THSD4: variants seen among roughly 807,000 people sequenced by gnomAD.
The protein encoded by THSD4 is thrombospondin type 1 domain containing 4, also known as thrombospondin type-1 domain-containing protein 4.
THSD4 carries 69 observed loss-of-function variants against 119.0 expected under a neutral mutation model. The observed-to-expected ratio is 0.58, with a 90% CI of 0.48 to 0.71. The LOEUF (loss-of-function observed/expected upper bound fraction) is 0.71, where lower values mean the gene tolerates loss of function less well. Among genes scored for constraint, THSD4 ranks in the 30% least tolerant of loss-of-function variants. The pLI, the probability that THSD4 is intolerant of heterozygous loss-of-function variation, is 0.00. For synonymous variants in THSD4, 524 were observed against 540.4 expected (o/e 0.97, Z 0.42); for missense variants, 1,393 against 1,391.1 (o/e 1.00, Z -0.02).
chr15:71,525,784 G>T (rs933144029), intron 7 of THSD4, among the ~76,000 whole-genome samples: 1 of 152,096 alleles, frequency 6.6e-6, no homozygotes, highest in African/African-American at 2.4e-5. Flanking sequence ...CATCTCAATG[G>T]TCTCACAAGT....
intron 5 of THSD4, among the ~76,000 whole-genome samples, chr15:71,253,561 C>T (rs1463654655): frequency 6.6e-6 from 1 of 152,048 alleles, no homozygotes; most frequent in Non-Finnish European, 1.5e-5. Flanking sequence ...GTGCATGCCA[C>T]CATGCCCGGC....
chr15:71,240,027 C>A (rs532466064), intron 4 of THSD4, among the ~76,000 whole-genome samples: 1 of 152,220 alleles, frequency 6.6e-6, no homozygotes, highest in Non-Finnish European at 1.5e-5. Context: ...GCATTCATTT[C>A]GTCACCTTTC....
intron 2 of THSD4, among the ~76,000 whole-genome samples, chr15:71,148,399 C>T (rs1342330386): frequency 6.6e-6 from 1 of 152,248 alleles, no homozygotes; most frequent in Non-Finnish European, 1.5e-5. Flanking sequence ...CGAAGACCTC[C>T]ACCTTGGGCT....
intron 3 of THSD4, among the ~76,000 whole-genome samples, chr15:71,184,466 C>T (rs1012828109): frequency 6.6e-6 from 1 of 151,782 alleles, no homozygotes; most frequent in African/African-American, 2.4e-5. Flanking sequence ...GGAATGCTCA[C>T]CATGTCCCAG....
At chr15:71,290,777 G>T (rs2044780221) in intron 6 of THSD4, among the ~76,000 whole-genome samples, 1 of 152,002 alleles carries the variant, frequency 6.6e-6, no homozygotes, top group South Asian at 2.1e-4. Context: ...GCTAAAGGTG[G>T]CTAATAGGTT....
intron 7 of THSD4, among the ~76,000 whole-genome samples, chr15:71,610,885 G>A (rs2050211393): frequency 6.6e-6 from 1 of 152,132 alleles, no homozygotes; most frequent in Non-Finnish European, 1.5e-5. Context: ...CCCTAGGTGA[G>A]TTGAGATGTA....
At chr15:71,349,612 A>G (rs1441112388) in intron 6 of THSD4, among the ~76,000 whole-genome samples, 1 of 152,090 alleles carries the variant, frequency 6.6e-6, no homozygotes, top group Non-Finnish European at 1.5e-5. Flanking sequence ...TAGCATTCCC[A>G]TTGTCTCTTC....
chr15:71,362,669 A>G (rs1312218655), intron 6 of THSD4, among the ~76,000 whole-genome samples: 3 of 152,202 alleles, frequency 2.0e-5, no homozygotes, highest in Admixed American at 6.5e-5. Context: ...AAATTGCAAT[A>G]AATAAATTAA....
intron 1 of THSD4, among the ~76,000 whole-genome samples, chr15:71,127,029 A>C (rs1366286871): frequency 1.3e-5 from 2 of 152,172 alleles, no homozygotes; most frequent in Non-Finnish European, 2.9e-5. Flanking sequence ...GATCTCAAAA[A>C]AGGCTTATTC....
At chr15:71,673,346 A>C (rs1224414496) in intron 8 of THSD4, among the ~76,000 whole-genome samples, 1 of 152,048 alleles carries the variant, frequency 6.6e-6, no homozygotes, top group African/African-American at 2.4e-5. Flanking sequence ...CCCCTCTATC[A>C]TTTTTTATTG....
At chr15:71,448,134 T>A (rs74022142) in intron 7 of THSD4, among the ~76,000 whole-genome samples, 1 of 152,086 alleles carries the variant, frequency 6.6e-6, no homozygotes, top group African/African-American at 2.4e-5. Context: ...TTTCTTGTTC[T>A]GTCTGCCTGC....
intron 5 of THSD4, among the ~76,000 whole-genome samples, chr15:71,246,815 A>C (rs1037106682): frequency 6.6e-6 from 1 of 152,180 alleles, no homozygotes; most frequent in South Asian, 2.1e-4. Context: ...CACCAATCTC[A>C]AACATCTGCT....
chr15:71,111,751 A>AG (rs2040306934), upstream of THSD4: 7 of 525,534 alleles, frequency 1.3e-5, no homozygotes, highest in East Asian at 2.2e-4. Context: ...CTAGCAACGT[A>AG]GGGAATTATA....
At chr15:71,127,527 A>G (rs1457221198) in intron 1 of THSD4, among the ~76,000 whole-genome samples, 1 of 152,206 alleles carries the variant, frequency 6.6e-6, no homozygotes, top group African/African-American at 2.4e-5. Flanking sequence ...TTACATTCCC[A>G]CCAATAGTAT....
chr15:71,365,302 C>T (rs2045947254), intron 6 of THSD4, among the ~76,000 whole-genome samples: 1 of 152,106 alleles, frequency 6.6e-6, no homozygotes, highest in Non-Finnish European at 1.5e-5. Context: ...ACTTTCTCAG[C>T]TTGCCTTGTG....
intron 7 of THSD4, among the ~76,000 whole-genome samples, chr15:71,660,034 G>A (rs2051271086): frequency 6.6e-6 from 1 of 152,068 alleles, no homozygotes; most frequent in East Asian, 1.9e-4. Context: ...TTACCAGTTA[G>A]AGGTTCAGCT....
intron 8 of THSD4, among the ~76,000 whole-genome samples, chr15:71,701,626 C>T (rs2052290621): frequency 6.6e-6 from 1 of 152,026 alleles, no homozygotes. Context: ...TGGACTAGCT[C>T]TATATTTAAT....
At chr15:71,525,921 C>T (rs2048511325) in intron 7 of THSD4, among the ~76,000 whole-genome samples, 1 of 152,298 alleles carries the variant, frequency 6.6e-6, no homozygotes, top group Admixed American at 6.5e-5. Context: ...GAATGGGTCT[C>T]ATTCATCCAG....
intron 4 of THSD4, among the ~76,000 whole-genome samples, chr15:71,223,344 A>G (rs1381980118): frequency 6.6e-6 from 1 of 152,192 alleles, no homozygotes; most frequent in Non-Finnish European, 1.5e-5. Context: ...AAGTTTGATA[A>G]ACTAACACCT....
Sources: allele counts gnomAD v4.1 joint callset (sites outside exome capture counted in the v4.1 genomes callset), GRCh38; gene constraint gnomAD v4.1.1; transcripts MANE v1.5; gene names NCBI Gene and HGNC (gene_info 2026-07-23, HGNC 2026-07-21).